The following ACAN variants were observed in gnomAD, a reference collection of about 807,000 sequenced individuals.
ACAN encodes aggrecan core protein.
A neutral mutation model predicts 169.1 loss-of-function variants in ACAN; 47 were observed. The observed-to-expected ratio is 0.28, with a 90% confidence interval of 0.22 to 0.35. The LOEUF is 0.35. Ranked by LOEUF, ACAN falls within the 10% of genes least tolerant of loss-of-function variation. The pLI is 1.00. For synonymous variants in ACAN, 1,115 were observed against 1,112.2 expected (o/e 1.00, Z -0.05); for missense variants, 2,716 against 2,759.9 (o/e 0.98, Z 0.36).
intron 13 of ACAN, among the ~76,000 whole-genome samples, chr15:88,860,669 T>G (rs988798188): frequency 6.6e-6 from 1 of 152,208 alleles, no homozygotes; most frequent in African/African-American, 2.4e-5. Context: ...TTGCTAAGTA[T>G]TTTTATATCA....
intron 1 of ACAN, among the ~76,000 whole-genome samples, chr15:88,828,659 G>T (rs554705649): frequency 1.3e-5 from 2 of 152,264 alleles, no homozygotes; most frequent in East Asian, 3.9e-4. Context: ...CTGGCCATGA[G>T]GGAGGCTGAG....
In ACAN at chr15:88,840,872, C is replaced by T. The variant is rs551433647; in HGVS notation, c.629+686C>T. On this transcript the variant is annotated intron_variant, in intron 4 of 18. Transcript: ENST00000560601. ...ATAAAGAACTGGACTCAGCCGGGCG[C>T]AGTGGCTCATGCCTGTAATCCCAGC... 8.7e-4 allele frequency among the ~76,000 whole-genome samples: 133 copies of T among 152,236 alleles called. 4 individuals carry two copies. In the South Asian group the frequency reaches 0.024, roughly 28 times the overall value.
intron 1 of ACAN, among the ~76,000 whole-genome samples, chr15:88,826,744 C>T (rs753930885): frequency 3.4e-4 from 52 of 152,252 alleles, no homozygotes; most frequent in Non-Finnish European, 5.9e-4. Context: ...TAAAACTTTC[C>T]GGATCTGAAA....
At chr15:88,829,251 C>T (rs1456977976) in intron 1 of ACAN, among the ~76,000 whole-genome samples, 1 of 152,192 alleles carries the variant, frequency 6.6e-6, no homozygotes, top group Non-Finnish European at 1.5e-5. Flanking sequence ...GTATTGGCAG[C>T]TACAAAAATT....
rs777066916 is a variant in ACAN, at chr15:88,847,401, C to T, written c.1588C>T (p.Arg530Trp). Residue 530 changes from arginine (R) to tryptophan (W), a missense_variant, in exon 8 of 19, where the codon CGG (arginine) becomes TGG (tryptophan). Around this residue, in one of 3 missense-constraint regions of ACAN, gnomAD observed 1,283 missense variants for 1,281.5 expected, o/e 1.00. Transcript: ENST00000560601. ...GYEQCDAGWL[R>W]DQTVRYPIVS... ...TGAGCAGTGTGACGCCGGCTGGCTG[C>T]GGGACCAGACCGTCAGGTGAAGCCA... The T allele has an allele frequency of 4.8e-5, 76 of 1,576,842 alleles. No homozygotes were observed. The highest frequency in any genetic ancestry group is 9.2e-5 in the East Asian group (4 of 43,314).
chr15:88,813,661 G>A (rs1376851648), intron 1 of ACAN, among the ~76,000 whole-genome samples: 4 of 152,202 alleles, frequency 2.6e-5, no homozygotes, highest in Admixed American at 2.0e-4. Flanking sequence ...ATGTGCCAGG[G>A]CCATCTTTCA....
chr15:88,823,040 C>G (rs1489790934), intron 1 of ACAN, among the ~76,000 whole-genome samples: 4 of 152,218 alleles, frequency 2.6e-5, no homozygotes, highest in African/African-American at 7.2e-5. Flanking sequence ...CATCAGGACC[C>G]TCAGCTGCCA....
rs62023515 is a variant in ACAN at position 88,849,070 on chromosome 15, C to T, written c.1733-368C>T. Among the ~76,000 whole-genome samples, 10,256 of 152,212 alleles carry T rather than the reference C, an allele frequency of 0.067. 508 individuals carry two copies. Among genetic ancestry groups the T allele is most frequent in the Non-Finnish European group, 0.093 (6,333 of 68,002 alleles). On this transcript the variant is annotated intron_variant, in intron 9 of 18. Transcript: ENST00000560601. The surrounding 1 kb of genome is among the most constrained non-coding windows in gnomAD (Gnocchi z 5.1). Reference sequence around the variant, plus strand: ...AGGGGTGCAAAGGGATTGGAGGGGGCCCAGGCGAGCTGCCTCGCTTAGCCA... The same window carrying T: ...AGGGGTGCAAAGGGATTGGAGGGGGTCCAGGCGAGCTGCCTCGCTTAGCCA...
Position 88,858,127 on chromosome 15 carries a change from G to A in ACAN, c.5542G>A (p.Glu1848Lys), listed in dbSNP as rs1470933918. 4 of 1,613,800 alleles carry A rather than the reference G, an allele frequency of 2.5e-6. No individual in the cohort carries two copies. The highest frequency in any genetic ancestry group is 3.4e-6 in the Non-Finnish European group (4 of 1,179,908). Residue 1848 changes from glutamate (E) to lysine (K), a missense_variant, in exon 12 of 19, where the codon GAA becomes AAA. Transcript: ENST00000560601. This position sits in a 1 kb window ranked among gnomAD's most constrained non-coding sequence, Gnocchi z 4.0. ...EVAPTTFKEE[E>K]GLGSVELSGL... ...GGCCCCTACTACATTTAAAGAAGAA[G>A]AAGGCTTAGGGTCTGTGGAACTCAG... is the stretch of plus-strand genomic sequence containing the variant.
chr15:88,821,742 A>G (rs898486438), intron 1 of ACAN, among the ~76,000 whole-genome samples: 1 of 152,204 alleles, frequency 6.6e-6, no homozygotes, highest in African/African-American at 2.4e-5. Context: ...CCACTCAGCC[A>G]ACACTGAACC....
intron 1 of ACAN, among the ~76,000 whole-genome samples, chr15:88,819,312 C>G (rs1896017382): frequency 6.6e-6 from 1 of 152,152 alleles, no homozygotes; most frequent in Non-Finnish European, 1.5e-5. Flanking sequence ...GCTTAGGGAG[C>G]AAGTCTCTCC....
In ACAN at chr15:88,871,920, C is replaced by T; in HGVS notation, c.7220-83C>T. On this transcript the variant is annotated intron_variant, in intron 15 of 18. Coordinates refer to ENST00000560601, the MANE Select transcript of ACAN (RefSeq NM_001369268.1). The surrounding 1 kb of genome is among the most constrained non-coding windows in gnomAD (Gnocchi z 7.8). ...CCACCCACCTCCTTTCCTCCTCCAT[C>T]CCCTCTGCCTCCGTGAGCTCAAGTT... The T allele has an allele frequency of 8.1e-7, 1 of 1,240,000 alleles. No individual in the cohort carries two copies. Among genetic ancestry groups the T allele is most frequent in the Non-Finnish European group, 1.2e-6 (1 of 839,060 alleles). 76.8% of individuals were successfully genotyped at this position (1,240,000 alleles called of 1,614,324 possible).
At chr15:88,860,461 G>T in intron 13 of ACAN, 22 bp downstream of exon 13, 2 of 1,601,496 alleles carry the variant, frequency 1.2e-6, no homozygotes, top group Non-Finnish European at 1.7e-6. Context: ...ATTGGCCGTG[G>T]AGAGTGAGGG....
intron 1 of ACAN, among the ~76,000 whole-genome samples, chr15:88,820,982 G>A (rs1218137989): frequency 6.6e-6 from 1 of 152,162 alleles, no homozygotes; most frequent in Non-Finnish European, 1.5e-5. Flanking sequence ...TTCTTCACAT[G>A]ATGGCAGGAA....
At position 88,839,775 on chromosome 15, in the gene ACAN, T is replaced by G. The variant is rs883325; in HGVS notation, c.455-237T>G. On this transcript the variant is annotated intron_variant, in intron 3 of 18. Transcript: ENST00000560601. The surrounding 1 kb of genome is among the most constrained non-coding windows in gnomAD (Gnocchi z 4.5). ...ATTCAAAGAACTTTCTCTTTATCAG[T>G]ATTATCATAAGTCTTTAAAAAGGAA... Among the ~76,000 whole-genome samples the G allele has an allele frequency of 0.51, 77,326 of 152,068 alleles. 19,893 individuals carry two copies. The highest frequency in any genetic ancestry group is 0.56 in the Admixed American group (8,638 of 15,290).
chr15:88,811,100 T>C (rs765045104), intron 1 of ACAN, among the ~76,000 whole-genome samples: 8 of 152,158 alleles, frequency 5.3e-5, no homozygotes, highest in Non-Finnish European at 1.2e-4. Flanking sequence ...GTGGTTTGTA[T>C]AGAACACGCC....
intron 11 of ACAN, 25 bp downstream of exon 11, chr15:88,852,058 C>G: frequency 6.4e-7 from 1 of 1,572,490 alleles, no homozygotes; most frequent in South Asian, 1.2e-5. Context: ...GGTTCTGGGG[C>G]ACACCCTGAA....
intron 1 of ACAN, among the ~76,000 whole-genome samples, chr15:88,804,982 G>T (rs192455532): frequency 6.6e-6 from 1 of 152,274 alleles, no homozygotes; most frequent in East Asian, 1.9e-4. Context: ...CACCCACCTC[G>T]TCTGAAGAGG....
At chr15:88,865,962 G>A (rs1897273660) in intron 13 of ACAN, among the ~76,000 whole-genome samples, 1 of 152,082 alleles carries the variant, frequency 6.6e-6, no homozygotes, top group Admixed American at 6.5e-5. Context: ...CTGACTTTCA[G>A]GATTGTGGCC....
Sources: allele counts gnomAD v4.1 joint callset (sites outside exome capture counted in the v4.1 genomes callset), GRCh38; gene constraint gnomAD v4.1.1; regional missense constraint gnomAD v4.1.1; non-coding constraint Gnocchi (gnomAD v3.1); transcripts MANE v1.5; gene names NCBI Gene and HGNC (gene_info 2026-07-23, HGNC 2026-07-21).